The following LRRFIP2 variants were observed in gnomAD, a reference collection of about 807,000 sequenced individuals.
LRRFIP2 encodes the protein leucine-rich repeat flightless-interacting protein 2.
Under a neutral mutation model 125.9 loss-of-function variants are expected in LRRFIP2, and 109 were observed. The ratio of observed to expected loss-of-function variants is 0.87; its 90% CI spans 0.74 to 1.01. The LOEUF is 1.01. Among genes scored for constraint, LRRFIP2 ranks in the 50% least tolerant of loss-of-function variants. LRRFIP2 has a pLI of 0.00. For synonymous variants in LRRFIP2, 291 were observed against 293.1 expected (o/e 0.99, Z 0.07); for missense variants, 850 against 862.3 (o/e 0.99, Z 0.18).
intron 6 of LRRFIP2, among the ~76,000 whole-genome samples, chr3:37,118,155 G>A (rs2094878242): frequency 6.6e-6 from 1 of 152,016 alleles, no homozygotes; most frequent in Non-Finnish European, 1.5e-5. Context: ...TCGACTTCCC[G>A]GACAGCTCCC....
intron 4 of LRRFIP2, among the ~76,000 whole-genome samples, chr3:37,126,131 C>T (rs2095265043): frequency 6.6e-6 from 1 of 152,072 alleles, no homozygotes; most frequent in Non-Finnish European, 1.5e-5. Context: ...CAGGTTCAAG[C>T]GATTCTCCTG....
intron 1 of LRRFIP2, among the ~76,000 whole-genome samples, chr3:37,158,706 G>C (rs959520283): frequency 1.3e-5 from 2 of 151,700 alleles, no homozygotes; most frequent in Non-Finnish European, 2.9e-5. Context: ...AAAGAATCAA[G>C]ATGAAACAAA....
At chr3:37,066,021 C>T (rs2090071792) in intron 22 of LRRFIP2, 79 bp from the exon 23 acceptor site, 1 of 1,571,402 alleles carries the variant, frequency 6.4e-7, no homozygotes, top group Non-Finnish European at 8.7e-7. Context: ...TGCAACAATA[C>T]ATGTTTGCTA....
At chr3:37,157,489 C>T (rs1309184314) in intron 1 of LRRFIP2, among the ~76,000 whole-genome samples, 10 of 150,884 alleles carry the variant, frequency 6.6e-5, no homozygotes, top group Non-Finnish European at 1.2e-4. Context: ...GAAAATGGCT[C>T]CAACCAGAAG....
chr3:37,086,893 C>G (rs1331097890), intron 18 of LRRFIP2, among the ~76,000 whole-genome samples: 1 of 150,564 alleles, frequency 6.6e-6, no homozygotes, highest in African/African-American at 2.5e-5. Flanking sequence ...CAGGGTCTCA[C>G]TCTGTCACCC....
intron 23 of LRRFIP2, chr3:37,064,169 T>TTGGA: frequency 5.3e-6 from 1 of 189,890 alleles, no homozygotes. Flanking sequence ...GATCCAAATA[T>TTGGA]GTGAAAGAAG....
chr3:37,059,588 G>A (rs7372653), intron 24 of LRRFIP2, among the ~76,000 whole-genome samples: 78,607 of 151,696 alleles, frequency 0.52, 21,572 homozygotes, highest in African/African-American at 0.64. Flanking sequence ...AGAGATCGAG[G>A]CCATCCTGGC....
At chr3:37,151,883 G>A (rs2096039797) in intron 1 of LRRFIP2, among the ~76,000 whole-genome samples, 2 of 152,162 alleles carry the variant, frequency 1.3e-5, no homozygotes, top group African/African-American at 4.8e-5. Context: ...GGGATTACAG[G>A]CATGAGCCAC....
intron 7 of LRRFIP2, among the ~76,000 whole-genome samples, chr3:37,113,588 C>T (rs1239750678): frequency 2.0e-5 from 3 of 152,158 alleles, no homozygotes; most frequent in Non-Finnish European, 4.4e-5. Context: ...AGGCATGAGA[C>T]ACCACTCCTG....
chr3:37,069,825 G>A (rs1276180349), intron 21 of LRRFIP2, among the ~76,000 whole-genome samples: 1 of 152,102 alleles, frequency 6.6e-6, no homozygotes, highest in Non-Finnish European at 1.5e-5. Context: ...AATTCCAAAA[G>A]GTTAACATAT....
upstream of LRRFIP2, chr3:37,174,986 G>A (rs935791559): frequency 2.0e-5 from 3 of 152,184 alleles, no homozygotes; most frequent in Non-Finnish European, 4.4e-5. Context: ...GTTAAACAGG[G>A]TTAGTGCTGC....
At chr3:37,133,375 C>G (rs1301002656) in intron 2 of LRRFIP2, among the ~76,000 whole-genome samples, 1 of 152,084 alleles carries the variant, frequency 6.6e-6, no homozygotes, top group South Asian at 2.1e-4. Context: ...GCATTATTCA[C>G]AACAGTCAAA....
chr3:37,128,662 T>A (rs2095349413), intron 3 of LRRFIP2, among the ~76,000 whole-genome samples: 1 of 152,166 alleles, frequency 6.6e-6, no homozygotes, highest in African/African-American at 2.4e-5. Flanking sequence ...CTTACATATT[T>A]TCCTCTATTA....
intron 13 of LRRFIP2, 84 bp from the exon 14 acceptor site, chr3:37,105,607 G>A: frequency 1.1e-6 from 1 of 917,414 alleles, no homozygotes; most frequent in Non-Finnish European, 1.8e-6. Flanking sequence ...GGAAGGTTTT[G>A]AGATGCATAT....
At chr3:37,141,887 C>A (rs2095711258) in intron 2 of LRRFIP2, among the ~76,000 whole-genome samples, 1 of 152,174 alleles carries the variant, frequency 6.6e-6, no homozygotes, top group Admixed American at 6.5e-5. Flanking sequence ...GAACACCAAC[C>A]CCAGCAGGTC....
intron 21 of LRRFIP2, chr3:37,068,222 C>A (rs1490390489): frequency 6.6e-6 from 1 of 152,142 alleles, no homozygotes; most frequent in Admixed American, 6.5e-5. Context: ...TTTTTGGTTA[C>A]TGGTATCTGC....
At chr3:37,055,237 C>A in intron 25 of LRRFIP2, 72 bp from the exon 26 acceptor site, 1 of 884,830 alleles carries the variant, frequency 1.1e-6, no homozygotes, top group Non-Finnish European at 1.8e-6. Flanking sequence ...GGCAGTACCT[C>A]TGTGGCACAG....
intron 15 of LRRFIP2, among the ~76,000 whole-genome samples, chr3:37,101,694 G>GA (rs1457357917): frequency 2.0e-5 from 3 of 148,590 alleles, no homozygotes; most frequent in East Asian, 2.0e-4. Flanking sequence ...AGAAGAAGAA[G>GA]AAGAAAGAAA....
intron 1 of LRRFIP2, among the ~76,000 whole-genome samples, chr3:37,163,877 T>C: frequency 6.6e-6 from 1 of 152,214 alleles, no homozygotes; most frequent in South Asian, 2.1e-4. Flanking sequence ...AAAGGATATC[T>C]TGAGGAAACT....
Sources: allele counts gnomAD v4.1 joint callset (sites outside exome capture counted in the v4.1 genomes callset), GRCh38; gene constraint gnomAD v4.1.1; transcripts MANE v1.5; gene names NCBI Gene and HGNC (gene_info 2026-07-23, HGNC 2026-07-21).